The following RIPOR2 variants were observed in gnomAD, a reference collection of about 807,000 sequenced individuals.
RIPOR2 encodes RHO family interacting cell polarization regulator 2.
A neutral mutation model predicts 114.5 loss-of-function variants in RIPOR2; 39 were observed. The observed-to-expected ratio is 0.34, with a 90% CI of 0.26 to 0.44. The LOEUF (loss-of-function observed/expected upper bound fraction) is 0.44, where lower values mean the gene tolerates loss of function less well. Ranked by LOEUF, RIPOR2 falls within the 20% of genes least tolerant of loss-of-function variation. RIPOR2 has a pLI of 1.00. For missense variants in RIPOR2, 1,007 were observed against 1,255.1 expected (o/e 0.80, Z 2.99); for synonymous variants, 445 against 484.4 (o/e 0.92, Z 1.07).
intron 11 of RIPOR2, 115 bp from the exon 12 acceptor site, chr6:24,848,269 A>G (rs1165108502): frequency 1.6e-5 from 18 of 1,104,006 alleles, no homozygotes; most frequent in Non-Finnish European, 2.3e-5. Flanking sequence ...AGAGGTTCAG[A>G]ACTGGGCTGG....
chr6:25,030,454 A>G (rs1776869361), intron 1 of RIPOR2, among the ~76,000 whole-genome samples: 1 of 152,142 alleles, frequency 6.6e-6, no homozygotes, highest in Non-Finnish European at 1.5e-5. Flanking sequence ...TCTGATGATC[A>G]TGTTTACTCA....
intron 1 of RIPOR2, among the ~76,000 whole-genome samples, chr6:25,031,701 A>ATATT: frequency 7.3e-4 from 1 of 1,378 alleles, no homozygotes; most frequent in African/African-American, 1.6e-3. Context: ...GGTGGTAGTT[A>ATATT]TATATATATA....
chr6:25,014,042 C>T (rs538673681), intron 1 of RIPOR2, among the ~76,000 whole-genome samples: 3 of 152,132 alleles, frequency 2.0e-5, no homozygotes, highest in African/African-American at 4.8e-5. Flanking sequence ...CTTACGGTTA[C>T]CCCTCGTATT....
At chr6:24,875,649 C>T (rs1466952473) in intron 2 of RIPOR2, 42 bp downstream of exon 2, 5 of 1,585,642 alleles carry the variant, frequency 3.2e-6, no homozygotes, top group Non-Finnish European at 3.4e-6. Flanking sequence ...AGTTCACTTC[C>T]TTGGCAAGCT....
chr6:24,851,332 T>C (rs982778521), intron 9 of RIPOR2, among the ~76,000 whole-genome samples: 11 of 152,148 alleles, frequency 7.2e-5, no homozygotes, highest in Admixed American at 4.6e-4. Flanking sequence ...TCTACTTCAA[T>C]AGAGCAGCCA....
At chr6:24,946,443 G>T (rs7738180) in intron 1 of RIPOR2, among the ~76,000 whole-genome samples, 7,689 of 151,920 alleles carry the variant, frequency 0.051, 333 homozygotes, top group African/African-American at 0.11. Flanking sequence ...TGGAAACCTT[G>T]TATCCTGTAA....
At chr6:24,976,874 A>C in intron 1 of RIPOR2, 2 of 1,608,418 alleles carry the variant, frequency 1.2e-6, no homozygotes, top group Non-Finnish European at 1.7e-6. Flanking sequence ...GGTCTTTGGC[A>C]AAGTGAAAGA....
At chr6:24,898,719 C>A (rs1213063901) in intron 1 of RIPOR2, among the ~76,000 whole-genome samples, 1 of 152,140 alleles carries the variant, frequency 6.6e-6, no homozygotes, top group African/African-American at 2.4e-5. Flanking sequence ...GGGAATGTGT[C>A]CTTTAAGGAA....
intron 1 of RIPOR2, among the ~76,000 whole-genome samples, chr6:24,991,594 G>A (rs1177334712): frequency 1.3e-5 from 2 of 152,108 alleles, no homozygotes; most frequent in Non-Finnish European, 2.9e-5. Flanking sequence ...CCCACCTATG[G>A]GTTTAGGTTT....
At chr6:24,807,513 TG>T (rs1780849514) in intron 21 of RIPOR2, among the ~76,000 whole-genome samples, 1 of 152,178 alleles carries the variant, frequency 6.6e-6, no homozygotes, top group Middle Eastern at 3.2e-3. Flanking sequence ...GCAAGTAAGA[TG>T]TATTAAGTGC....
intron 1 of RIPOR2, among the ~76,000 whole-genome samples, chr6:25,034,979 G>A (rs138386198): frequency 1.3e-5 from 2 of 152,346 alleles, no homozygotes; most frequent in South Asian, 4.1e-4. Flanking sequence ...GGAAGGAAGA[G>A]GGTAAGCCTT....
chr6:24,882,332 G>C (rs1766428836), intron 1 of RIPOR2, among the ~76,000 whole-genome samples: 1 of 152,198 alleles, frequency 6.6e-6, no homozygotes. Flanking sequence ...AAGAATCCTG[G>C]TTGTCAGGCC....
At chr6:24,905,120 C>T (rs1444906160) in intron 1 of RIPOR2, among the ~76,000 whole-genome samples, 1 of 151,976 alleles carries the variant, frequency 6.6e-6, no homozygotes, top group South Asian at 2.1e-4. Flanking sequence ...CTCCAGTAGC[C>T]CTGTTTTACA....
intron 12 of RIPOR2, among the ~76,000 whole-genome samples, chr6:24,846,219 T>G (rs1762253839): frequency 6.6e-6 from 1 of 152,114 alleles, no homozygotes; most frequent in African/African-American, 2.4e-5. Flanking sequence ...TTGGTTCATG[T>G]TTTCATGTGT....
intron 1 of RIPOR2, among the ~76,000 whole-genome samples, chr6:24,888,912 T>A (rs1284347978): frequency 6.6e-6 from 1 of 152,236 alleles, no homozygotes; most frequent in Non-Finnish European, 1.5e-5. Flanking sequence ...ATCACGGCCT[T>A]TGTTTGAGCT....
At chr6:24,909,449 T>C (rs1769328236) in intron 1 of RIPOR2, among the ~76,000 whole-genome samples, 1 of 151,834 alleles carries the variant, frequency 6.6e-6, no homozygotes. Flanking sequence ...TGGTCCAAAA[T>C]GGCTGGAGGA....
At chr6:24,918,887 A>G (rs2064524) in intron 1 of RIPOR2, among the ~76,000 whole-genome samples, 78,579 of 151,984 alleles carry the variant, frequency 0.52, 23,181 homozygotes, top group African/African-American at 0.81. Context: ...TCCTCTGTAA[A>G]CCTGGAAACC....
chr6:24,927,182 T>TACAACTACAATCACCAC (rs1350897331), intron 1 of RIPOR2, among the ~76,000 whole-genome samples: 5 of 3,228 alleles, frequency 1.5e-3, no homozygotes, highest in Admixed American at 3.6e-3. Flanking sequence ...ACCACCACCA[T>TACAACTACAATCACCAC]GACCACCACC....
intron 19 of RIPOR2, among the ~76,000 whole-genome samples, chr6:24,822,940 A>G (rs1033395159): frequency 1.3e-5 from 2 of 152,244 alleles, no homozygotes; most frequent in Non-Finnish European, 2.9e-5. Flanking sequence ...CAGAAGGCAC[A>G]TTATAAAGCC....
Sources: gnomAD v4.1 joint callset for allele counts (sites outside exome capture counted in the v4.1 genomes callset) on GRCh38, gnomAD v4.1.1 for gene constraint, MANE v1.5 for transcripts, NCBI Gene and HGNC (gene_info 2026-07-23, HGNC 2026-07-21) for gene names.